The following CLIP3 variants were observed in gnomAD, a reference collection of about 807,000 sequenced individuals.
CLIP3 encodes the protein CAP-Gly domain-containing linker protein 3.
In CLIP3, 15 loss-of-function variants were observed where a neutral mutation model predicts 59.4. The ratio of observed to expected loss-of-function variants is 0.25; its 90% CI spans 0.17 to 0.39. The LOEUF is 0.39. Among genes scored for constraint, CLIP3 ranks in the 10% least tolerant of loss-of-function variants. The pLI, the probability that CLIP3 is intolerant of heterozygous loss-of-function variation, is 1.00. For synonymous variants in CLIP3, 300 were observed against 321.6 expected (o/e 0.93, Z 0.72); for missense variants, 495 against 765.7 (o/e 0.65, Z 4.17).
intron 12 of CLIP3, 36 bp from the exon 13 acceptor site, chr19:36,017,015 AC>A (rs1229972795): frequency 6.2e-7 from 1 of 1,608,588 alleles, no homozygotes; most frequent in African/African-American, 1.3e-5. Context: ...TGAGGGGATG[AC>A]AGACCACCTG....
intron 6 of CLIP3, among the ~76,000 whole-genome samples, chr19:36,025,774 A>T (rs1440007460): frequency 6.6e-6 from 1 of 152,162 alleles, no homozygotes; most frequent in Non-Finnish European, 1.5e-5. Context: ...GAGCCTGGTA[A>T]TGCATAGGTC....
chr19:36,030,214 G>A (rs1969220257), intron 2 of CLIP3, among the ~76,000 whole-genome samples: 2 of 151,948 alleles, frequency 1.3e-5, no homozygotes, highest in Non-Finnish European at 2.9e-5. Flanking sequence ...CACCATGCCT[G>A]GCTAATTTCT....
chr19:36,017,717 A>G lies in CLIP3; in HGVS notation c.1389T>C (p.Gly463=). Residue 463 remains glycine, a synonymous_variant, in exon 11 of 14, where the codon GGT becomes GGC. Transcript: ENST00000360535. ...PTGKHDGSVF[G]VRYFTCPPRH... Reference sequence around the variant, plus strand: ...TCGGGGGGCAAGTGAAGTACCGGACACCGAAGACAGAGCCATCATGCTTGC... The same window carrying G: ...TCGGGGGGCAAGTGAAGTACCGGACGCCGAAGACAGAGCCATCATGCTTGC... 9.3e-6 allele frequency: 15 copies of G among 1,614,020 alleles called. No homozygotes were observed. Among genetic ancestry groups the G allele is most frequent in the Non-Finnish European group, 1.2e-5 (14 of 1,179,998 alleles).
At chr19:36,017,550 C>T (rs957125130) in intron 11 of CLIP3, 100 bp from the exon 12 acceptor site, 14 of 1,595,968 alleles carry the variant, frequency 8.8e-6, no homozygotes, top group Admixed American at 3.4e-5. Context: ...GCTGGGGGCT[C>T]GGGGGTGTCC....
chr19:36,026,395 A>AG lies in CLIP3; in HGVS notation c.563-131dup. ...ACGCAGAGCCCCGCCCCCACCTCGG[A>AG]GCCCCCCTCTCCCTTGGCAGCCCCG... On this transcript the variant is annotated intron_variant, in intron 5 of 13. Transcript: ENST00000360535. The surrounding 1 kb of genome is among the most constrained non-coding windows in gnomAD (Gnocchi z 6.3). The AG allele has an allele frequency of 1.8e-6, 1 of 566,446 alleles. No individual in the cohort carries two copies. Among genetic ancestry groups the AG allele is most frequent in the South Asian group, 1.8e-5 (1 of 54,394 alleles). 35.1% of individuals were successfully genotyped at this position (566,446 alleles called of 1,614,324 possible).
Position 36,016,831 on chromosome 19 carries a change from C to T in CLIP3, c.1589+76G>A. ...TTCCAGCCCTGACCAGAGCTCCAGA[C>T]CTCTGGGTCCAACTGCCTTATGGAT... On this transcript the variant is annotated intron_variant, in intron 13 of 13. Coordinates refer to ENST00000360535, the MANE Select transcript of CLIP3 (RefSeq NM_015526.3). This position sits in a 1 kb window ranked among gnomAD's most constrained non-coding sequence, Gnocchi z 4.1. 6.8e-7 allele frequency: 1 copy of T among 1,459,912 alleles called. No individual in the cohort carries two copies. The highest frequency in any genetic ancestry group is 9.5e-7 in the Non-Finnish European group (1 of 1,053,798). 90.4% of individuals were successfully genotyped at this position (1,459,912 alleles called of 1,614,324 possible).
chr19:36,016,799 C>G lies in CLIP3; in HGVS notation c.1589+108G>C. On this transcript the variant is annotated intron_variant, in intron 13 of 13. Coordinates refer to ENST00000360535, the MANE Select transcript of CLIP3 (RefSeq NM_015526.3). The surrounding 1 kb of genome is among the most constrained non-coding windows in gnomAD (Gnocchi z 4.1). ...GCTTACAAGTCACAAGTTTTCCTAA[C>G]CTCTCTTTCCAGCCCTGACCAGAGC... The G allele has an allele frequency of 2.5e-6, 3 of 1,189,620 alleles. No homozygotes were observed. Among genetic ancestry groups the G allele is most frequent in the Non-Finnish European group, 3.7e-6 (3 of 821,808 alleles). 73.7% of individuals were successfully genotyped at this position (1,189,620 alleles called of 1,614,324 possible).
intron 6 of CLIP3, 23 bp from the exon 7 acceptor site, chr19:36,024,655 G>A (rs371335879): frequency 4.5e-5 from 72 of 1,610,340 alleles, no homozygotes; most frequent in Non-Finnish European, 5.9e-5. Context: ...GGGAAAAGAA[G>A]GCAGGGACTC....
Position 36,024,393 on chromosome 19 carries a change from G to A in CLIP3, c.918+3C>T. On this transcript the variant is annotated splice_donor_region_variant and intron_variant, in intron 7 of 13. Coordinates refer to ENST00000360535, the MANE Select transcript of CLIP3 (RefSeq NM_015526.3). ...CATGCAAACACACATCCCAGCCCCT[G>A]ACCTTCTGGCCATCCAGCAGCACGC... 1 of 1,611,770 alleles carries A rather than the reference G, an allele frequency of 6.2e-7. No individual in the cohort carries two copies. Among genetic ancestry groups the A allele is most frequent in the Non-Finnish European group, 8.5e-7 (1 of 1,178,678 alleles).
At chr19:36,031,025 T>TTTTTTTTTTTTTTTTTTTTTTTTTTC (rs1969251895) in intron 2 of CLIP3, among the ~76,000 whole-genome samples, 1 of 82,658 alleles carries the variant, frequency 1.2e-5, no homozygotes, top group Non-Finnish European at 2.2e-5. Context: ...TTTTTTTTCT[T>TTTTTTTTTTTTTTTTTTTTTTTTTTC]TTTTTTTTTT....
At chr19:36,028,682 A>G (rs1005027702) in intron 2 of CLIP3, among the ~76,000 whole-genome samples, 4 of 151,960 alleles carry the variant, frequency 2.6e-5, no homozygotes, top group African/African-American at 9.7e-5. Flanking sequence ...CCAGCTCCCA[A>G]CCCATCCAGA....
intron 7 of CLIP3, among the ~76,000 whole-genome samples, chr19:36,020,694 C>T (rs1384025391): frequency 6.6e-6 from 1 of 152,118 alleles, no homozygotes; most frequent in Non-Finnish European, 1.5e-5. Flanking sequence ...TTCAAGTGCT[C>T]AATTGTCACA....
rs879800543 is a variant in CLIP3, at chr19:36,026,332, G to A, written c.563-67C>T. ...GGGACCCCAGCCCTCCTCCCACCTCGGGGCTCATCTCTTAACTTGCAGGTC... is the reference window on the plus strand; with the variant it reads ...GGGACCCCAGCCCTCCTCCCACCTCAGGGCTCATCTCTTAACTTGCAGGTC... On this transcript the variant is annotated intron_variant, in intron 5 of 13. Coordinates refer to ENST00000360535, the MANE Select transcript of CLIP3 (RefSeq NM_015526.3). The surrounding 1 kb of genome is among the most constrained non-coding windows in gnomAD (Gnocchi z 6.3). 5.0e-6 allele frequency: 7 copies of A among 1,387,076 alleles called. No homozygotes were observed. The highest frequency in any genetic ancestry group is 1.7e-5 in the Admixed American group (1 of 57,542). The allele number at this position is 1,387,076 out of a possible 1,614,324, so 85.9% of individuals were successfully genotyped here. A position where few individuals can be genotyped will look rare whatever the true frequency, so the allele number is the denominator to read the frequency against.
chr19:36,026,585 C>T lies in CLIP3; in HGVS notation c.562+1G>A. 1.9e-6 allele frequency: 3 copies of T among 1,613,418 alleles called. No homozygotes were observed. Among genetic ancestry groups the T allele is most frequent in the Non-Finnish European group, 2.5e-6 (3 of 1,179,816 alleles). Reference sequence around the variant, plus strand: ...CTCCCAGCCAGGGCTCTCCTCCTCACCTCGCGGCCTCGCACCCTTCAGCAG... The same window carrying T: ...CTCCCAGCCAGGGCTCTCCTCCTCATCTCGCGGCCTCGCACCCTTCAGCAG... On this transcript the variant is annotated splice_donor_variant, in intron 5 of 13. Transcript: ENST00000360535. LOFTEE classifies it high-confidence loss of function. This position sits in a 1 kb window ranked among gnomAD's most constrained non-coding sequence, Gnocchi z 6.3.
chr19:36,015,863 T>G lies in CLIP3; in HGVS notation c.*295A>C. Reference sequence around the variant, plus strand: ...CATTATGTGGAGAGGGTCACCATCATTTGGGGTGATATGGAAATCTGTTAA... The same window carrying G: ...CATTATGTGGAGAGGGTCACCATCAGTTGGGGTGATATGGAAATCTGTTAA... On this transcript the variant is annotated 3_prime_UTR_variant, in exon 14 of 14. Coordinates refer to ENST00000360535, the MANE Select transcript of CLIP3 (RefSeq NM_015526.3). 4.1e-6 allele frequency: 2 copies of G among 487,240 alleles called. No homozygotes were observed. The highest frequency in any genetic ancestry group is 7.5e-6 in the Non-Finnish European group (2 of 265,644). 30.2% of individuals were successfully genotyped at this position (487,240 alleles called of 1,614,324 possible).
intron 12 of CLIP3, 66 bp from the exon 13 acceptor site, chr19:36,017,045 A>G: frequency 6.5e-7 from 1 of 1,528,288 alleles, no homozygotes; most frequent in Non-Finnish European, 9.0e-7. Context: ...ATACCCATCC[A>G]GACCCCTTCT....
In CLIP3 at chr19:36,026,465, C is replaced by T; in HGVS notation, c.562+121G>A. ...TCCCTGAGCCCCCTCTCCCACGCCTCCAACCTCCCGCTATCTCCTCAGATC... is the reference window on the plus strand; with the variant it reads ...TCCCTGAGCCCCCTCTCCCACGCCTTCAACCTCCCGCTATCTCCTCAGATC... On this transcript the variant is annotated intron_variant, in intron 5 of 13. Coordinates refer to ENST00000360535, the MANE Select transcript of CLIP3 (RefSeq NM_015526.3). This position sits in a 1 kb window ranked among gnomAD's most constrained non-coding sequence, Gnocchi z 6.3. The T allele has an allele frequency of 1.4e-6, 2 of 1,427,524 alleles. No homozygotes were observed. The highest frequency in any genetic ancestry group is 1.9e-6 in the Non-Finnish European group (2 of 1,048,884). The allele number at this position is 1,427,524 out of a possible 1,614,324, so 88.4% of individuals were successfully genotyped here.
chr19:36,022,621 C>T (rs2145397991), intron 7 of CLIP3, among the ~76,000 whole-genome samples: 1 of 152,308 alleles, frequency 6.6e-6, no homozygotes, highest in South Asian at 2.1e-4. Context: ...TCGTGCACAG[C>T]AGAATGCTTT....
In CLIP3 at chr19:36,026,853, C is replaced by T. The variant is rs546168388; in HGVS notation, c.400+99G>A. 4,309 of 1,529,942 alleles carry T rather than the reference C, an allele frequency of 2.8e-3. 39 individuals are homozygous for T. Among genetic ancestry groups the T allele is most frequent in the Middle Eastern group, 0.019 (83 of 4,350 alleles). The allele number at this position is 1,529,942 out of a possible 1,614,324, so 94.8% of individuals were successfully genotyped here. A position where few individuals can be genotyped will look rare whatever the true frequency, so the allele number is the denominator to read the frequency against. On this transcript the variant is annotated intron_variant, in intron 4 of 13. Coordinates refer to ENST00000360535, the MANE Select transcript of CLIP3 (RefSeq NM_015526.3). The surrounding 1 kb of genome is among the most constrained non-coding windows in gnomAD (Gnocchi z 6.3). ...GACTATACTTTGGGATCCGAAGCTTCGGGTTCCAGATGGGGCCTGAGTTCT... is the reference window on the plus strand; with the variant it reads ...GACTATACTTTGGGATCCGAAGCTTTGGGTTCCAGATGGGGCCTGAGTTCT...
Sources: gnomAD v4.1 joint callset for allele counts (sites outside exome capture counted in the v4.1 genomes callset) on GRCh38, gnomAD v4.1.1 for gene constraint, Gnocchi (gnomAD v3.1) non-coding constraint, MANE v1.5 for transcripts, NCBI Gene and HGNC (gene_info 2026-07-23, HGNC 2026-07-21) for gene names.